Variants in CDH13 observed in about 807,000 individuals in gnomAD.
The protein encoded by CDH13 is cadherin 13.
Under a neutral mutation model 63.8 loss-of-function variants are expected in CDH13, and 24 were observed. The ratio of observed to expected loss-of-function variants is 0.38; its 90% CI spans 0.27 to 0.53. The LOEUF (loss-of-function observed/expected upper bound fraction) is 0.53. Among genes scored for constraint, CDH13 ranks in the 20% least tolerant of loss-of-function variants. The probability of loss-of-function intolerance (pLI) is 0.85; values close to 1 mark genes in which losing one functional copy is unlikely to be tolerated. For synonymous variants in CDH13, 503 were observed against 355.3 expected (o/e 1.42, Z -4.67); for missense variants, 1,049 against 903.1 (o/e 1.16, Z -2.07).
intron 1 of CDH13, among the ~76,000 whole-genome samples, chr16:82,771,488 A>G (rs1041848372): frequency 1.3e-5 from 2 of 152,228 alleles, no homozygotes; most frequent in African/African-American, 4.8e-5. Flanking sequence ...CGTCAGCATT[A>G]CAGCTCGCTT....
intron 8 of CDH13, among the ~76,000 whole-genome samples, chr16:83,649,914 C>T (rs1912201350): frequency 6.6e-6 from 1 of 152,196 alleles, no homozygotes; most frequent in African/African-American, 2.4e-5. Flanking sequence ...GGTCCAAAGC[C>T]CACACTTTGC....
chr16:83,601,693 G>A (rs1907810571), intron 7 of CDH13, among the ~76,000 whole-genome samples: 1 of 152,204 alleles, frequency 6.6e-6, no homozygotes, highest in Non-Finnish European at 1.5e-5. Flanking sequence ...GTAAATGTGA[G>A]TTCCTAAAGC....
At chr16:83,582,979 A>T (rs544926575) in intron 7 of CDH13, among the ~76,000 whole-genome samples, 4 of 152,184 alleles carry the variant, frequency 2.6e-5, no homozygotes, top group African/African-American at 9.7e-5. Context: ...ACTGAAATTT[A>T]TTCAGTTTAT....
chr16:82,982,609 G>A (rs1179957771), intron 2 of CDH13, among the ~76,000 whole-genome samples: 1 of 152,120 alleles, frequency 6.6e-6, no homozygotes, highest in African/African-American at 2.4e-5. Context: ...CATATCCCCA[G>A]AGAAATGCAT....
At chr16:83,229,864 C>G (rs577264420) in intron 5 of CDH13, among the ~76,000 whole-genome samples, 6 of 152,268 alleles carry the variant, frequency 3.9e-5, no homozygotes, top group African/African-American at 9.6e-5. Flanking sequence ...TGTGCCAGAC[C>G]AAACACTCTG....
At chr16:83,498,792 T>G (rs947167839) in intron 7 of CDH13, among the ~76,000 whole-genome samples, 1 of 152,216 alleles carries the variant, frequency 6.6e-6, no homozygotes, top group Non-Finnish European at 1.5e-5. Context: ...CAAAATACAG[T>G]GAAGTTTTGG....
intron 5 of CDH13, among the ~76,000 whole-genome samples, chr16:83,306,118 G>A (rs938969086): frequency 3.9e-5 from 6 of 152,182 alleles, no homozygotes; most frequent in Non-Finnish European, 7.3e-5. Flanking sequence ...AATGTCTCCC[G>A]ACATTGCCAA....
At chr16:83,086,886 G>A (rs1389920022) in intron 3 of CDH13, among the ~76,000 whole-genome samples, 1 of 152,118 alleles carries the variant, frequency 6.6e-6, no homozygotes, top group Non-Finnish European at 1.5e-5. Context: ...AATTAGACTT[G>A]GCAGAAAGAA....
chr16:82,938,965 C>A (rs1433195021), intron 2 of CDH13, among the ~76,000 whole-genome samples: 2 of 152,154 alleles, frequency 1.3e-5, no homozygotes, highest in African/African-American at 4.8e-5. Flanking sequence ...CTGCCACATA[C>A]ACAGGAAGAT....
intron 2 of CDH13, among the ~76,000 whole-genome samples, chr16:82,940,912 G>T (rs1398486458): frequency 1.3e-5 from 2 of 152,118 alleles, no homozygotes; most frequent in African/African-American, 2.4e-5. Flanking sequence ...ATGAAAGAGG[G>T]GTAATTATTT....
intron 5 of CDH13, among the ~76,000 whole-genome samples, chr16:83,308,512 T>TTCAG (rs111849700): frequency 4.6e-5 from 7 of 152,340 alleles, no homozygotes; most frequent in African/African-American, 1.4e-4. Context: ...GTAGGAATTT[T>TTCAG]TCAGTATAAG....
chr16:83,615,543 A>G (rs1277128536), intron 8 of CDH13, among the ~76,000 whole-genome samples: 1 of 152,146 alleles, frequency 6.6e-6, no homozygotes, highest in Non-Finnish European at 1.5e-5. Flanking sequence ...AAAATCACAT[A>G]TCTGACAGTT....
Position 83,544,107 on chromosome 16 carries a change from C to T in CDH13, c.960+57452C>T, listed in dbSNP as rs184552330. Among the ~76,000 whole-genome samples the T allele has an allele frequency of 2.5e-4, 38 of 152,262 alleles. No homozygotes were observed. The East Asian group carries it at 6.8e-3, about 27-fold the overall frequency. ...TGCTCTGTGCAGTGTGCTTCGAGCA[C>T]ACCCTCTCACTGAATGTGAGATGAT... On this transcript the variant is annotated intron_variant, in intron 7 of 13. Transcript: ENST00000567109.
chr16:83,496,042 C>T (rs1354917334), intron 7 of CDH13, among the ~76,000 whole-genome samples: 4 of 151,266 alleles, frequency 2.6e-5, no homozygotes, highest in African/African-American at 9.7e-5. Flanking sequence ...ATTCCATGCT[C>T]ATGGGTAGGA....
chr16:82,856,278 A>G (rs1028232654), intron 1 of CDH13, among the ~76,000 whole-genome samples: 7 of 150,274 alleles, frequency 4.7e-5, no homozygotes, highest in Non-Finnish European at 3.0e-5. Flanking sequence ...CGGGAGGCTG[A>G]GGCGGGAGAA....
At chr16:82,887,318 G>A (rs935873982) in intron 2 of CDH13, among the ~76,000 whole-genome samples, 2 of 152,218 alleles carry the variant, frequency 1.3e-5, no homozygotes, top group South Asian at 4.1e-4. Context: ...TGGTCTAAAT[G>A]AGAGTAAAGA....
intron 2 of CDH13, among the ~76,000 whole-genome samples, chr16:82,952,585 A>G (rs776207826): frequency 6.6e-6 from 1 of 152,232 alleles, no homozygotes; most frequent in Admixed American, 6.5e-5. Flanking sequence ...TAATAACAGT[A>G]GCTAATATCT....
chr16:83,531,848 T>C (rs1015244747), intron 7 of CDH13, among the ~76,000 whole-genome samples: 1 of 152,244 alleles, frequency 6.6e-6, no homozygotes, highest in Non-Finnish European at 1.5e-5. Context: ...GAGAGTAACT[T>C]TGTGTTATTT....
At chr16:82,640,483 G>A (rs1909262681) in intron 1 of CDH13, among the ~76,000 whole-genome samples, 1 of 152,080 alleles carries the variant, frequency 6.6e-6, no homozygotes, top group Non-Finnish European at 1.5e-5. Context: ...TCTTGAAACT[G>A]TTCAATTCTA....
Sources: allele counts gnomAD v4.1 joint callset (sites outside exome capture counted in the v4.1 genomes callset), GRCh38; gene constraint gnomAD v4.1.1; transcripts MANE v1.5; gene names NCBI Gene and HGNC (gene_info 2026-07-23, HGNC 2026-07-21).